HM13: variants seen among roughly 807,000 people sequenced by gnomAD.
HM13 encodes signal peptide peptidase.
Under a neutral mutation model 50.0 loss-of-function variants are expected in HM13, and 18 were observed. That is an observed-to-expected ratio of 0.36 (90% confidence interval 0.25 to 0.53). The LOEUF (loss-of-function observed/expected upper bound fraction) is 0.53. Among genes scored for constraint, HM13 ranks in the 20% least tolerant of loss-of-function variants. HM13 has a pLI of 0.90. For synonymous variants in HM13, 197 were observed against 232.6 expected, an observed-to-expected ratio of 0.85 and a Z score of 1.39; for missense variants, 393 against 552.4, an observed-to-expected ratio of 0.71 and a Z score of 2.89.
intron 11 of HM13, chr20:31,567,554 A>G (rs1055714457): frequency 6.6e-6 from 1 of 151,216 alleles, no homozygotes; most frequent in Non-Finnish European, 1.5e-5. Context: ...TTCTCTCCCA[A>G]TTCTCCACCT....
chr20:31,532,146 G>A (rs1297710087), intron 2 of HM13, among the ~76,000 whole-genome samples: 1 of 151,602 alleles, frequency 6.6e-6, no homozygotes, highest in East Asian at 1.9e-4. Context: ...CTGAATTTAG[G>A]CCGGGCGCGG....
At chr20:31,524,775 A>C in intron 1 of HM13, among the ~76,000 whole-genome samples, 1 of 141,344 alleles carries the variant, frequency 7.1e-6, no homozygotes, top group Non-Finnish European at 1.5e-5. Context: ...ATGCAGTGGC[A>C]CAATCTTGGC....
Position 31,569,378 on chromosome 20 carries a change from C to T in HM13, c.*159C>T. The T allele has an allele frequency of 1.9e-6, 1 of 513,558 alleles. No individual in the cohort carries two copies. The highest frequency in any genetic ancestry group is 3.6e-6 in the Non-Finnish European group (1 of 278,728). 31.8% of individuals were successfully genotyped at this position (513,558 alleles called of 1,614,324 possible). A position where few individuals can be genotyped will look rare whatever the true frequency, so the allele number is the denominator to read the frequency against. ...AGCCAGGCCTCTGTGGCCTCTGTTTCCTTCTCCCTTTCTTGGCCCTCCTCT... is the reference window on the plus strand; with the variant it reads ...AGCCAGGCCTCTGTGGCCTCTGTTTTCTTCTCCCTTTCTTGGCCCTCCTCT... On this transcript the variant is annotated 3_prime_UTR_variant, in exon 13 of 13. Coordinates refer to ENST00000398174, the MANE Select transcript of HM13 (RefSeq NM_178581.3).
chr20:31,517,142 G>C (rs549019672), intron 1 of HM13, among the ~76,000 whole-genome samples: 1 of 152,202 alleles, frequency 6.6e-6, no homozygotes, highest in African/African-American at 2.4e-5. Context: ...GTTAGTGTGG[G>C]GACCCAGTTT....
intron 1 of HM13, among the ~76,000 whole-genome samples, chr20:31,521,114 G>A (rs1259113505): frequency 2.6e-5 from 4 of 152,146 alleles, no homozygotes; most frequent in Non-Finnish European, 5.9e-5. Context: ...TTAAAAAATC[G>A]CAATTGGATT....
chr20:31,521,017 C>G (rs1982125313), intron 1 of HM13, among the ~76,000 whole-genome samples: 2 of 152,246 alleles, frequency 1.3e-5, no homozygotes. Context: ...GCTACATTTA[C>G]TTCTGCTGTT....
intron 10 of HM13, among the ~76,000 whole-genome samples, chr20:31,563,571 A>T (rs1192068273): frequency 6.6e-6 from 1 of 151,790 alleles, no homozygotes; most frequent in African/African-American, 2.4e-5. Context: ...TGACCTGCCC[A>T]CCTCAGCCTC....
At chr20:31,546,539 T>C (rs1983728464) in intron 4 of HM13, among the ~76,000 whole-genome samples, 1 of 151,434 alleles carries the variant, frequency 6.6e-6, no homozygotes, top group Admixed American at 6.6e-5. Context: ...TGACTTGAGA[T>C]CAGGAGTTCC....
chr20:31,541,156 A>G (rs1159370279), intron 3 of HM13: 4 of 152,068 alleles, frequency 2.6e-5, no homozygotes, highest in African/African-American at 9.7e-5. Context: ...TAGAGCAACA[A>G]AATTTGACCT....
intron 4 of HM13, chr20:31,547,434 T>C (rs1237762985): frequency 1.1e-5 from 6 of 522,346 alleles, no homozygotes; most frequent in Non-Finnish European, 2.1e-5. Context: ...CCGGCCTTCC[T>C]GCAGGGGACT....
rs1033874778 is a variant in HM13, at chr20:31,514,893, G to A, written c.183+159G>A. On this transcript the variant is annotated intron_variant, in intron 1 of 12. Coordinates refer to ENST00000398174, the MANE Select transcript of HM13 (RefSeq NM_178581.3). The surrounding 1 kb of genome is among the most constrained non-coding windows in gnomAD (Gnocchi z 4.3). ...GTCTCGGGCCCACATTCCGGGGCTG[G>A]CATTTCCTACCCCGGGATCTGGGCA... Among the ~76,000 whole-genome samples the A allele has an allele frequency of 1.3e-5, 2 of 152,134 alleles. No homozygotes were observed. The highest frequency in any genetic ancestry group is 6.5e-5 in the Admixed American group (1 of 15,272).
At chr20:31,533,839 C>T (rs1982958656) in intron 2 of HM13, among the ~76,000 whole-genome samples, 1 of 152,160 alleles carries the variant, frequency 6.6e-6, no homozygotes, top group Non-Finnish European at 1.5e-5. Flanking sequence ...CCATCCTCAT[C>T]ACCAATTGTG....
chr20:31,548,221 C>A (rs939762474), intron 4 of HM13, among the ~76,000 whole-genome samples: 6 of 152,126 alleles, frequency 3.9e-5, no homozygotes, highest in Non-Finnish European at 7.4e-5. Context: ...GATGAAAAAA[C>A]AAATTAGGGG....
rs566016442 is a variant in HM13, at chr20:31,564,701, C to T, written c.949-1509C>T. On this transcript the variant is annotated intron_variant, in intron 10 of 12. Transcript: ENST00000398174. ...ACCAGCCTGGCCAACATGGTGAAAC[C>T]GCATCTCTACTGAAAAATACAAATA... 2.6e-5 allele frequency among the ~76,000 whole-genome samples: 4 copies of T among 152,088 alleles called. No homozygotes were observed. In the East Asian group the frequency reaches 7.7e-4, roughly 29 times the overall value.
At chr20:31,546,925 AAAAT>A (rs957319085) in intron 4 of HM13, among the ~76,000 whole-genome samples, 9 of 152,214 alleles carry the variant, frequency 5.9e-5, no homozygotes, top group East Asian at 1.9e-4. Flanking sequence ...CCCGTCTAAA[AAAAT>A]AAATAAATAA....
intron 1 of HM13, among the ~76,000 whole-genome samples, chr20:31,527,039 C>T (rs1033076951): frequency 6.6e-6 from 1 of 152,074 alleles, no homozygotes; most frequent in African/African-American, 2.4e-5. Flanking sequence ...CAGATCTCCT[C>T]ATGGTAGAAT....
chr20:31,517,744 G>C (rs1981884976), intron 1 of HM13, among the ~76,000 whole-genome samples: 2 of 152,034 alleles, frequency 1.3e-5, no homozygotes, highest in African/African-American at 4.8e-5. Flanking sequence ...TGTTCAGGAA[G>C]CCCGTGGCCT....
At chr20:31,535,929 A>C (rs1048741984) in intron 2 of HM13, among the ~76,000 whole-genome samples, 1 of 152,202 alleles carries the variant, frequency 6.6e-6, no homozygotes, top group African/African-American at 2.4e-5. Flanking sequence ...CCTACACCCA[A>C]GGTGAACTGC....
At chr20:31,549,537 ATGCCCGG>A (rs573469284) in intron 6 of HM13, among the ~76,000 whole-genome samples, 73 of 152,298 alleles carry the variant, frequency 4.8e-4, no homozygotes, top group African/African-American at 1.6e-3. Flanking sequence ...GAGCACACTC[ATGCCCGG>A]TGCCTTCCGA....
Sources: allele counts gnomAD v4.1 joint callset (sites outside exome capture counted in the v4.1 genomes callset), GRCh38; gene constraint gnomAD v4.1.1; non-coding constraint Gnocchi (gnomAD v3.1); transcripts MANE v1.5; gene names NCBI Gene and HGNC (gene_info 2026-07-23, HGNC 2026-07-21).